ESYT2: variants seen among roughly 807,000 people sequenced by gnomAD.
ESYT2 encodes the protein extended synaptotagmin 2.
ESYT2 carries 54 observed loss-of-function variants against 107.2 expected under a neutral mutation model. The observed-to-expected ratio is 0.50, with a 90% CI of 0.40 to 0.63. ESYT2 has a LOEUF of 0.63. ESYT2 is among the 30% of genes least tolerant of loss of function. The pLI, the probability that ESYT2 is intolerant of heterozygous loss-of-function variation, is 0.00. For synonymous variants in ESYT2, 491 were observed against 434.1 expected (o/e 1.13, Z -1.63); for missense variants, 1,020 against 1,094.5 (o/e 0.93, Z 0.96).
intron 17 of ESYT2, 108 bp downstream of exon 17, chr7:158,743,421 G>C (rs1161217511): frequency 2.8e-6 from 4 of 1,433,634 alleles, no homozygotes; most frequent in Non-Finnish European, 3.7e-6. Flanking sequence ...CAGAGCTGCA[G>C]CCGACACAGA....
intron 5 of ESYT2, 79 bp downstream of exon 5, chr7:158,788,266 C>T: frequency 1.4e-6 from 2 of 1,411,308 alleles, no homozygotes; most frequent in South Asian, 1.3e-5. Context: ...GCTAAAAAAA[C>T]TTCCTAATTT....
chr7:158,762,968 C>A (rs1838025441), intron 10 of ESYT2, 115 bp downstream of exon 10: 1 of 623,490 alleles, frequency 1.6e-6, no homozygotes, highest in African/African-American at 1.8e-5. Flanking sequence ...TATCTAAGAA[C>A]CATTTAATGA....
At chr7:158,743,912 A>C in intron 16 of ESYT2, 1 of 375,874 alleles carries the variant, frequency 2.7e-6, no homozygotes, top group South Asian at 3.2e-5. Flanking sequence ...ATCTCTACTA[A>C]AAATACAAAA....
At chr7:158,739,177 T>G in intron 18 of ESYT2, 56 bp from the exon 19 acceptor site, 1 of 1,455,248 alleles carries the variant, frequency 6.9e-7, no homozygotes, top group Non-Finnish European at 9.6e-7. Context: ...AACGTTGTGA[T>G]TCATTGGTCC....
intron 16 of ESYT2, among the ~76,000 whole-genome samples, chr7:158,745,619 A>C (rs1158460299): frequency 6.6e-6 from 1 of 152,188 alleles, no homozygotes; most frequent in African/African-American, 2.4e-5. Flanking sequence ...TCTCAAACAT[A>C]AAAGGGCTCA....
intron 6 of ESYT2, among the ~76,000 whole-genome samples, chr7:158,785,288 G>T (rs1253605792): frequency 6.6e-6 from 1 of 152,088 alleles, no homozygotes; most frequent in African/African-American, 2.4e-5. Flanking sequence ...AGCCAGGCGT[G>T]GTGGTGGGTG....
chr7:158,774,317 T>A (rs1838475160), intron 6 of ESYT2, among the ~76,000 whole-genome samples: 1 of 152,144 alleles, frequency 6.6e-6, no homozygotes, highest in Non-Finnish European at 1.5e-5. Context: ...AAACAATTTT[T>A]AAGATCCTGA....
chr7:158,795,643 T>A (rs1839435528), intron 3 of ESYT2, among the ~76,000 whole-genome samples: 1 of 152,250 alleles, frequency 6.6e-6, no homozygotes, highest in South Asian at 2.1e-4. Flanking sequence ...ATGCAGCCCC[T>A]GCTTTACAGC....
At chr7:158,798,223 A>T (rs1839528305) in intron 2 of ESYT2, 147 bp from the exon 3 acceptor site, 2 of 767,302 alleles carry the variant, frequency 2.6e-6, no homozygotes, top group Admixed American at 3.1e-5. Flanking sequence ...AATCAACATG[A>T]TCTAAATTCT....
intron 7 of ESYT2, among the ~76,000 whole-genome samples, chr7:158,770,730 T>C (rs1423744858): frequency 6.6e-6 from 1 of 152,088 alleles, no homozygotes; most frequent in African/African-American, 2.4e-5. Flanking sequence ...TTAGCCAGGA[T>C]GGTCTCGATC....
At position 158,752,576 on chromosome 7, in the gene ESYT2, T is replaced by C. The variant is rs186670696; in HGVS notation, c.1482+205A>G. On this transcript the variant is annotated intron_variant, in intron 14 of 22. Transcript: ENST00000275418. ...AGGAAAATAATCTAATTTATCATACTAGTACTTTATAAAATTTACCTTCAA... is the reference window on the plus strand; with the variant it reads ...AGGAAAATAATCTAATTTATCATACCAGTACTTTATAAAATTTACCTTCAA... Among the ~76,000 whole-genome samples the C allele has an allele frequency of 5.3e-5, 8 of 152,350 alleles. No individual in the cohort carries two copies. In the East Asian group the frequency reaches 1.5e-3, roughly 29 times the overall value.
Position 158,825,871 on chromosome 7 carries a change from T to C in ESYT2, c.330+3218A>G, listed in dbSNP as rs186579197. Among the ~76,000 whole-genome samples, 295 of 152,174 alleles carry C rather than the reference T, an allele frequency of 1.9e-3. 1 individual carries two copies. The highest frequency in any genetic ancestry group is 6.6e-3 in the African/African-American group (276 of 41,518). ...TTCAGAAACCCCAAGCACCAATGTA[T>C]GTATGGTAAAAATCAAGGTACTAGT... On this transcript the variant is annotated intron_variant, in intron 1 of 22. Transcript: ENST00000275418.
At chr7:158,765,570 C>T (rs1018356328) in intron 8 of ESYT2, among the ~76,000 whole-genome samples, 1 of 151,960 alleles carries the variant, frequency 6.6e-6, no homozygotes, top group African/African-American at 2.4e-5. Flanking sequence ...CCCATCTCTA[C>T]TAAAATTACA....
intron 1 of ESYT2, among the ~76,000 whole-genome samples, chr7:158,800,681 T>C (rs1563028904): frequency 1.3e-5 from 2 of 151,988 alleles, no homozygotes; most frequent in Non-Finnish European, 2.9e-5. Flanking sequence ...TGAGCCACTG[T>C]GCCCAGTCCA....
At chr7:158,792,591 ATGTC>A (rs1201833574) in intron 4 of ESYT2, among the ~76,000 whole-genome samples, 1 of 148,198 alleles carries the variant, frequency 6.7e-6, no homozygotes, top group Non-Finnish European at 1.5e-5. Context: ...TATATATATA[ATGTC>A]TTTCTTCCTT....
At chr7:158,782,746 ATG>A (rs1429494094) in intron 6 of ESYT2, among the ~76,000 whole-genome samples, 1 of 151,146 alleles carries the variant, frequency 6.6e-6, no homozygotes, top group South Asian at 2.1e-4. Context: ...AAGCTCAAGC[ATG>A]TGTGAGAACA....
At chr7:158,756,200 G>A (rs1030106727) in intron 13 of ESYT2, among the ~76,000 whole-genome samples, 7 of 152,174 alleles carry the variant, frequency 4.6e-5, no homozygotes, top group East Asian at 1.9e-4. Context: ...CAACTGGGCC[G>A]TAAGAATCTC....
chr7:158,747,278 T>C (rs1024897591), intron 16 of ESYT2, among the ~76,000 whole-genome samples: 2 of 149,396 alleles, frequency 1.3e-5, no homozygotes, highest in African/African-American at 4.9e-5. Context: ...ACCCAGGAGG[T>C]GGAGGCTGCA....
At chr7:158,781,713 G>C (rs1453401274) in intron 6 of ESYT2, among the ~76,000 whole-genome samples, 1 of 151,478 alleles carries the variant, frequency 6.6e-6, no homozygotes, top group Non-Finnish European at 1.5e-5. Flanking sequence ...GGGAGTGTAA[G>C]AACGAGAACA....
Sources: allele counts gnomAD v4.1 joint callset (sites outside exome capture counted in the v4.1 genomes callset), GRCh38; gene constraint gnomAD v4.1.1; transcripts MANE v1.5; gene names NCBI Gene and HGNC (gene_info 2026-07-23, HGNC 2026-07-21).